Variants in RAD23A observed in about 807,000 individuals in gnomAD.
RAD23A encodes the protein RAD23 nucleotide excision repair protein A.
Under a neutral mutation model 44.8 loss-of-function variants are expected in RAD23A, and 16 were observed. The observed-to-expected ratio is 0.36, with a 90% CI of 0.24 to 0.54. The LOEUF (loss-of-function observed/expected upper bound fraction) is 0.54. RAD23A is among the 20% of genes least tolerant of loss of function. RAD23A has a pLI of 0.89. For synonymous variants in RAD23A, 217 were observed against 202.9 expected (o/e 1.07, Z -0.59); for missense variants, 380 against 483.3 (o/e 0.79, Z 2.00).
In RAD23A at chr19:12,946,200, G is replaced by T. The variant is rs915595564; in HGVS notation, c.72+180G>T. 3.9e-5 allele frequency among the ~76,000 whole-genome samples: 6 copies of T among 152,202 alleles called. No individual in the cohort carries two copies. In the South Asian group the frequency reaches 1.2e-3, roughly 31 times the overall value. On this transcript the variant is annotated intron_variant, in intron 1 of 8. Transcript: ENST00000586534. ...ATGGTCTTTGGCCCAGCCCCCAGCCGATCGGGCGGCGCTCCTGCGCCGGTC... is the reference window on the plus strand; with the variant it reads ...ATGGTCTTTGGCCCAGCCCCCAGCCTATCGGGCGGCGCTCCTGCGCCGGTC...
rs771465178 is a variant in RAD23A at position 12,952,744 on chromosome 19, A to G, written c.869A>G (p.Glu290Gly). ...FIQMLNEPPGELADISDVEGE... is the reference protein window; with the variant it reads ...FIQMLNEPPGGLADISDVEGE... ...CAGATGCTGAACGAGCCCCCTGGGG[A>G]GCTGGCGGACATCTCAGATGTGGAG... Residue 290 changes from glutamate to glycine, a missense_variant, in exon 8 of 9, where the codon GAG becomes GGG. Transcript: ENST00000586534. The G allele has an allele frequency of 6.2e-7, 1 of 1,613,028 alleles. No individual in the cohort carries two copies. The highest frequency in any genetic ancestry group is 1.7e-5 in the Admixed American group (1 of 59,984).
At chr19:12,949,484 T>C in intron 7 of RAD23A, 76 bp downstream of exon 7, 1 of 1,562,200 alleles carries the variant, frequency 6.4e-7, no homozygotes, top group Non-Finnish European at 8.7e-7. Flanking sequence ...CCATAACACG[T>C]AGGAATCGTT....
Position 12,948,617 on chromosome 19 carries a change from G to C in RAD23A, c.472+65G>C, listed in dbSNP as rs1315005739. The C allele has an allele frequency of 3.4e-5, 54 of 1,577,154 alleles. No individual in the cohort carries two copies. Among genetic ancestry groups the C allele is most frequent in the Non-Finnish European group, 4.3e-5 (50 of 1,161,614 alleles). On this transcript the variant is annotated intron_variant, in intron 4 of 8. Transcript: ENST00000586534. The surrounding 1 kb of genome is among the most constrained non-coding windows in gnomAD (Gnocchi z 5.5). ...CCAGCCATCAGCTGGGCCTTGTCTG[G>C]GTGCGGGAGGGCCTGGGAGCTGCCC...
At chr19:12,951,764 CTTCTGT>C (rs1280057669) in intron 7 of RAD23A, among the ~76,000 whole-genome samples, 1 of 152,106 alleles carries the variant, frequency 6.6e-6, no homozygotes, top group Non-Finnish European at 1.5e-5. Context: ...TCTGTTCCTG[CTTCTGT>C]TTCTGAGACT....
intron 7 of RAD23A, among the ~76,000 whole-genome samples, chr19:12,950,602 CCT>C (rs1412015726): frequency 2.6e-5 from 4 of 152,084 alleles, no homozygotes; most frequent in Non-Finnish European, 4.4e-5. Context: ...GGGATTTCAC[CCT>C]GTTAGCCAGG....
Position 12,953,127 on chromosome 19 carries a change from T to A in RAD23A, c.*78T>A. 1.2e-6 allele frequency: 1 copy of A among 866,978 alleles called. No individual in the cohort carries two copies. Among genetic ancestry groups the A allele is most frequent in the Non-Finnish European group, 1.7e-6 (1 of 582,366 alleles). The allele number at this position is 866,978 out of a possible 1,614,324, so 53.7% of individuals were successfully genotyped here. A position where few individuals can be genotyped will look rare whatever the true frequency, so the allele number is the denominator to read the frequency against. ...TTTTATAAAAGAAAAAATATATATA[T>A]ATTCATGTTTATTTAAGAAATGGAA... On this transcript the variant is annotated 3_prime_UTR_variant, in exon 9 of 9. Transcript: ENST00000586534.
intron 7 of RAD23A, 46 bp from the exon 8 acceptor site, chr19:12,952,643 G>A: frequency 1.0e-5 from 16 of 1,552,822 alleles, no homozygotes; most frequent in Non-Finnish European, 1.4e-5. Context: ...GGAGAGGAGG[G>A]GACCAGGGCT....
chr19:12,948,946 C>T lies in RAD23A; in HGVS notation c.600+133C>T, dbSNP rs540853964. ...AGTGATTCTAGCCACTAAAGGCTTC[C>T]CACAGGAGGCTGGATGTGAGTGATG... On this transcript the variant is annotated intron_variant, in intron 5 of 8. Transcript: ENST00000586534. This position sits in a 1 kb window ranked among gnomAD's most constrained non-coding sequence, Gnocchi z 5.5. The T allele has an allele frequency of 6.5e-7, 1 of 1,529,796 alleles. No individual in the cohort carries two copies. Among genetic ancestry groups the T allele is most frequent in the African/African-American group, 1.4e-5 (1 of 73,048 alleles). 94.8% of individuals were successfully genotyped at this position (1,529,796 alleles called of 1,614,324 possible).
intron 1 of RAD23A, among the ~76,000 whole-genome samples, chr19:12,947,201 T>C (rs927476517): frequency 6.6e-6 from 1 of 152,108 alleles, no homozygotes; most frequent in African/African-American, 2.4e-5. Context: ...GGCAGGAGGA[T>C]TGCTTGAGGC....
chr19:12,948,236 G>A lies in RAD23A; in HGVS notation c.294G>A (p.Glu98=). 3.1e-6 allele frequency: 5 copies of A among 1,614,046 alleles called. No individual in the cohort carries two copies. Among genetic ancestry groups the A allele is most frequent in the Non-Finnish European group, 4.2e-6 (5 of 1,179,988 alleles). ...AGGCCTCACCCACAGCTGCCCCAGA[G>A]TCCTCTACATCCTTCCCGCCTGCCC... is the stretch of plus-strand genomic sequence containing the variant. ...PPEASPTAAP[E]SSTSFPPAPT... Residue 98 remains glutamate (E), a synonymous_variant, in exon 3 of 9, where the codon GAG becomes GAA. Coordinates refer to ENST00000586534, the MANE Select transcript of RAD23A (RefSeq NM_005053.4). This position sits in a 1 kb window ranked among gnomAD's most constrained non-coding sequence, Gnocchi z 5.5.
intron 7 of RAD23A, 157 bp downstream of exon 7, chr19:12,949,565 C>T: frequency 9.7e-7 from 1 of 1,026,246 alleles, no homozygotes; most frequent in Non-Finnish European, 1.4e-6. Context: ...CTGGTGACCC[C>T]CCTGGTTTCT....
At chr19:12,949,919 G>A (rs569752391) in intron 7 of RAD23A, among the ~76,000 whole-genome samples, 8 of 152,042 alleles carry the variant, frequency 5.3e-5, no homozygotes, top group African/African-American at 9.6e-5. Flanking sequence ...CTGGGTTCTC[G>A]GTGAAGTGCC....
Position 12,947,779 on chromosome 19 carries a change from T to G in RAD23A, c.73-69T>G, listed in dbSNP as rs542858511. 3.3e-6 allele frequency: 5 copies of G among 1,528,692 alleles called. No individual in the cohort carries two copies. In the African/African-American group the frequency reaches 6.9e-5, roughly 21 times the overall value. 94.7% of individuals were successfully genotyped at this position (1,528,692 alleles called of 1,614,324 possible). A position where few individuals can be genotyped will look rare whatever the true frequency, so the allele number is the denominator to read the frequency against. On this transcript the variant is annotated intron_variant, in intron 1 of 8. Transcript: ENST00000586534. ...TTCTGCCATCAGGGCTGGCAGTTTC[T>G]CTGTCCTAAACTAGAAGGGAAAAGA... is the stretch of plus-strand genomic sequence containing the variant.
At position 12,948,267 on chromosome 19, in the gene RAD23A, T is replaced by C; in HGVS notation, c.325T>C (p.Ser109Pro). ...SSTSFPPAPT[S>P]GMSHPPPAAR... The stretch of plus-strand genomic sequence containing the variant: ...TACATCCTTCCCGCCTGCCCCCACC[T>C]CAGGCATGTCCCATCCCCCACCTGC... Residue 109 changes from serine (S) to proline (P), a missense_variant, in exon 3 of 9, where the codon TCA (serine) becomes CCA (proline). Around this residue, in one of 3 missense-constraint regions of RAD23A, gnomAD observed 279 missense variants for 313.7 expected, o/e 0.89. Transcript: ENST00000586534. The surrounding 1 kb of genome is among the most constrained non-coding windows in gnomAD (Gnocchi z 5.5). The C allele has an allele frequency of 6.2e-7, 1 of 1,613,114 alleles. No individual in the cohort carries two copies. Among genetic ancestry groups the C allele is most frequent in the East Asian group, 2.2e-5 (1 of 44,860 alleles).
At chr19:12,949,835 G>A (rs916717116) in intron 7 of RAD23A, among the ~76,000 whole-genome samples, 2 of 152,050 alleles carry the variant, frequency 1.3e-5, no homozygotes, top group African/African-American at 2.4e-5. Flanking sequence ...ACTCTGCTCA[G>A]TGAGGCTCCA....
chr19:12,949,235 G>A (rs1406100036), intron 6 of RAD23A, 40 bp from the exon 7 acceptor site: 1 of 1,613,844 alleles, frequency 6.2e-7, no homozygotes, highest in East Asian at 2.2e-5. Context: ...GCTCCTAGGA[G>A]CCCGGCGTGG....
chr19:12,949,567 CT>C (rs1599668758), intron 7 of RAD23A, 159 bp downstream of exon 7: 4 of 1,008,784 alleles, frequency 4.0e-6, no homozygotes, highest in Non-Finnish European at 5.8e-6. Flanking sequence ...GGTGACCCCC[CT>C]GGTTTCTCAG....
chr19:12,953,052 C>G lies in RAD23A; in HGVS notation c.*3C>G. ...GTCAGAACTTTGATGACGAGTGATG[C>G]CAGGAAGCCAGGCCACCGAAGCCCC... is the stretch of plus-strand genomic sequence containing the variant. On this transcript the variant is annotated 3_prime_UTR_variant, in exon 9 of 9. Coordinates refer to ENST00000586534, the MANE Select transcript of RAD23A (RefSeq NM_005053.4). The G allele has an allele frequency of 6.2e-7, 1 of 1,611,694 alleles. No homozygotes were observed. Among genetic ancestry groups the G allele is most frequent in the South Asian group, 1.1e-5 (1 of 91,012 alleles).
chr19:12,948,595 G>C lies in RAD23A; in HGVS notation c.472+43G>C, dbSNP rs768920124. ...AGGGCAGAGGTGACTGGGTGCCCCA[G>C]CCATCAGCTGGGCCTTGTCTGGGTG... On this transcript the variant is annotated intron_variant, in intron 4 of 8. Transcript: ENST00000586534. The surrounding 1 kb of genome is among the most constrained non-coding windows in gnomAD (Gnocchi z 5.5). 1 of 1,574,338 alleles carries C rather than the reference G, an allele frequency of 6.4e-7. No individual in the cohort carries two copies. Among genetic ancestry groups the C allele is most frequent in the Non-Finnish European group, 8.6e-7 (1 of 1,159,890 alleles).
Sources: allele counts gnomAD v4.1 joint callset (sites outside exome capture counted in the v4.1 genomes callset), GRCh38; gene constraint gnomAD v4.1.1; regional missense constraint gnomAD v4.1.1; non-coding constraint Gnocchi (gnomAD v3.1); transcripts MANE v1.5; gene names NCBI Gene and HGNC (gene_info 2026-07-23, HGNC 2026-07-21).